The following FABP12 variants were observed in gnomAD, a reference collection of about 807,000 sequenced individuals.
FABP12 encodes fatty acid binding protein 12.
Under a neutral mutation model 13.7 loss-of-function variants are expected in FABP12, and 19 were observed. The ratio of observed to expected loss-of-function variants is 1.39; its 90% CI spans 0.97 to 2.04. The LOEUF is 2.04. Among genes scored for constraint, FABP12 ranks in the 30% most tolerant of loss-of-function variants. FABP12 has a pLI of 0.00. For missense variants in FABP12, 182 were observed against 164.2 expected (o/e 1.11, Z -0.59); for synonymous variants, 61 against 57.0 (o/e 1.07, Z -0.32).
chr8:81,582,118 ATTTTTTTTT>A (rs34960860), intron 1 of FABP12, among the ~76,000 whole-genome samples: 1 of 96,786 alleles, frequency 1.0e-5, no homozygotes, highest in East Asian at 3.5e-4. Flanking sequence ...GCTAACTGGA[ATTTTTTTTT>A]TTTTTTTTTT....
At chr8:81,564,888 ACTGT>A (rs1472697912) in intron 1 of FABP12, among the ~76,000 whole-genome samples, 2 of 152,144 alleles carry the variant, frequency 1.3e-5, no homozygotes, top group East Asian at 3.9e-4. Flanking sequence ...AAAGAAATAG[ACTGT>A]CTGAGTGGAT....
chr8:81,575,430 G>T (rs10099872), intron 1 of FABP12, among the ~76,000 whole-genome samples: 1 of 152,076 alleles, frequency 6.6e-6, no homozygotes, highest in South Asian at 2.1e-4. Flanking sequence ...TGTATTCTGC[G>T]GTTGTTGCAT....
intron 1 of FABP12, among the ~76,000 whole-genome samples, chr8:81,552,547 TG>T (rs1809538029): frequency 1.3e-5 from 2 of 152,176 alleles, no homozygotes; most frequent in South Asian, 4.1e-4. Context: ...CTTGTTAGAC[TG>T]TCAGAGGAAA....
At chr8:81,589,566 CCT>C (rs574508097) in intron 1 of FABP12, among the ~76,000 whole-genome samples, 176 of 152,292 alleles carry the variant, frequency 1.2e-3, no homozygotes, top group South Asian at 0.01. Context: ...TCACTTTCCC[CCT>C]GTTTAGGGAG....
At chr8:81,525,111 C>T (rs1489929257) in exon 5 of FABP12, 1 of 1,580,916 alleles carries the variant, frequency 6.3e-7, no homozygotes, top group Non-Finnish European at 8.6e-7. Flanking sequence ...ACACTGTTCA[C>T]AGTACTTTCC....
upstream of FABP12, among the ~76,000 whole-genome samples, chr8:81,534,729 G>C (rs1809179258): frequency 6.6e-6 from 1 of 152,040 alleles, no homozygotes; most frequent in Non-Finnish European, 1.5e-5. Flanking sequence ...GATCACCTGG[G>C]GTCAGGAGTT....
At chr8:81,533,152 C>T (rs1809123999) in intron 1 of FABP12, 1 of 152,212 alleles carries the variant, frequency 6.6e-6, no homozygotes, top group South Asian at 2.1e-4. Context: ...GCACAGGCGT[C>T]AGTACTGAGG....
intron 1 of FABP12, among the ~76,000 whole-genome samples, chr8:81,575,881 A>T (rs1810036380): frequency 6.6e-6 from 1 of 152,124 alleles, no homozygotes; most frequent in South Asian, 2.1e-4. Flanking sequence ...GCTCCTTATG[A>T]GAATCTAACT....
intron 1 of FABP12, among the ~76,000 whole-genome samples, chr8:81,587,195 G>A (rs1347057524): frequency 2.0e-5 from 3 of 152,276 alleles, no homozygotes; most frequent in Middle Eastern, 6.8e-3. Flanking sequence ...AGTAACTGTA[G>A]CCTTGTAATA....
chr8:81,531,282 T>C (rs1809069419), exon 2 of FABP12: 1 of 1,606,228 alleles, frequency 6.2e-7, no homozygotes. Context: ...TCACAAGAAA[T>C]GGACTTCCAT....
intron 1 of FABP12, among the ~76,000 whole-genome samples, chr8:81,553,509 T>A (rs1486007): frequency 0.11 from 17,045 of 152,202 alleles, 1,134 homozygotes; most frequent in East Asian, 0.26. Context: ...GTAATTATTA[T>A]CATTTTTTTC....
At chr8:81,548,899 T>C (rs983396763) in intron 1 of FABP12, among the ~76,000 whole-genome samples, 1 of 152,208 alleles carries the variant, frequency 6.6e-6, no homozygotes, top group African/African-American at 2.4e-5. Context: ...CCTTGATATT[T>C]GGTCAAATAT....
At chr8:81,556,263 A>T (rs1809613872) in intron 1 of FABP12, among the ~76,000 whole-genome samples, 1 of 152,210 alleles carries the variant, frequency 6.6e-6, no homozygotes, top group Non-Finnish European at 1.5e-5. Flanking sequence ...TTTGGTGAGG[A>T]TACAGAAGGC....
chr8:81,565,126 C>CA (rs1809793710), intron 1 of FABP12, among the ~76,000 whole-genome samples: 2 of 151,920 alleles, frequency 1.3e-5, no homozygotes, highest in Admixed American at 1.3e-4. Flanking sequence ...GCCAATTCAG[C>CA]AAAAAGATAT....
intron 1 of FABP12, among the ~76,000 whole-genome samples, chr8:81,558,232 G>A (rs1199160653): frequency 6.6e-6 from 1 of 152,176 alleles, no homozygotes; most frequent in African/African-American, 2.4e-5. Context: ...ATTCCTCCCA[G>A]TCCTCCTCAC....
intron 1 of FABP12, among the ~76,000 whole-genome samples, chr8:81,551,374 T>A (rs1305240075): frequency 6.6e-6 from 1 of 152,124 alleles, no homozygotes; most frequent in African/African-American, 2.4e-5. Flanking sequence ...ATTCTCAAAG[T>A]TTTGCACTCT....
chr8:81,588,481 T>C (rs1374879882), intron 1 of FABP12, among the ~76,000 whole-genome samples: 5 of 152,256 alleles, frequency 3.3e-5, no homozygotes, highest in African/African-American at 1.2e-4. Flanking sequence ...TAAATGCTAC[T>C]GATTTTTGTA....
chr8:81,550,179 A>C (rs1268875367), intron 1 of FABP12, among the ~76,000 whole-genome samples: 5 of 152,152 alleles, frequency 3.3e-5, no homozygotes, highest in African/African-American at 1.2e-4. Flanking sequence ...TTGGGTACCT[A>C]CCTTAAATCC....
At chr8:81,571,973 A>G (rs1017113570) in intron 1 of FABP12, among the ~76,000 whole-genome samples, 1 of 151,740 alleles carries the variant, frequency 6.6e-6, no homozygotes, top group Non-Finnish European at 1.5e-5. Context: ...TTATTTTTCC[A>G]TTAGTTATTG....
Sources: allele counts gnomAD v4.1 joint callset (sites outside exome capture counted in the v4.1 genomes callset), GRCh38; gene constraint gnomAD v4.1.1; transcripts MANE v1.5; gene names NCBI Gene and HGNC (gene_info 2026-07-23, HGNC 2026-07-21).